SDK1: variants seen among roughly 807,000 people sequenced by gnomAD.
SDK1 encodes the protein protein sidekick-1.
Under a neutral mutation model 245.5 loss-of-function variants are expected in SDK1, and 157 were observed. That is an observed-to-expected ratio of 0.64 (90% CI 0.56 to 0.73). SDK1 has a LOEUF of 0.73. SDK1 is among the 30% of genes least tolerant of loss of function. SDK1 has a pLI of 0.00. For synonymous variants in SDK1, 1,647 were observed against 1,278.5 expected (o/e 1.29, Z -6.15); for missense variants, 3,583 against 3,002.3 (o/e 1.19, Z -4.52).
chr7:4,178,694 C>G (rs950368889), intron 35 of SDK1, 108 bp downstream of exon 35: 1 of 757,276 alleles, frequency 1.3e-6, no homozygotes, highest in Non-Finnish European at 2.3e-6. Context: ...GTTCTTTCTC[C>G]TTGAACACAT....
At chr7:4,262,414 C>T (rs1174893717) in intron 44 of SDK1, among the ~76,000 whole-genome samples, 8 of 151,498 alleles carry the variant, frequency 5.3e-5, no homozygotes, top group African/African-American at 1.9e-4. Context: ...ACCTAGAAAA[C>T]ATGCAGGGTC....
intron 4 of SDK1, among the ~76,000 whole-genome samples, chr7:3,761,260 C>CTTTTT (rs71029692): frequency 5.2e-4 from 49 of 93,720 alleles, no homozygotes; most frequent in Non-Finnish European, 6.5e-4. Flanking sequence ...GCCCCCCCTC[C>CTTTTT]TTTTTTTTTT....
chr7:3,808,548 C>T (rs1779306985), intron 4 of SDK1, among the ~76,000 whole-genome samples: 1 of 152,182 alleles, frequency 6.6e-6, no homozygotes, highest in African/African-American at 2.4e-5. Context: ...CACCGTGAGG[C>T]AGAAGAGACA....
chr7:4,000,317 C>T (rs1040318304), intron 14 of SDK1, among the ~76,000 whole-genome samples: 1 of 152,174 alleles, frequency 6.6e-6, no homozygotes, highest in Admixed American at 6.5e-5. Context: ...CGTTCTGGTG[C>T]CCCCAGCGGC....
intron 20 of SDK1, among the ~76,000 whole-genome samples, chr7:4,072,739 C>A (rs1780334994): frequency 6.6e-6 from 1 of 152,190 alleles, no homozygotes; most frequent in Non-Finnish European, 1.5e-5. Flanking sequence ...TGCAGGAGCC[C>A]AGGATGACTG....
chr7:4,022,718 G>A (rs989833572), intron 17 of SDK1, among the ~76,000 whole-genome samples: 10 of 151,832 alleles, frequency 6.6e-5, no homozygotes, highest in Non-Finnish European at 1.2e-4. Flanking sequence ...AGCACAGTGC[G>A]ATGTTGACCC....
At chr7:4,171,972 G>A (rs1484614852) in intron 32 of SDK1, among the ~76,000 whole-genome samples, 1 of 152,222 alleles carries the variant, frequency 6.6e-6, no homozygotes, top group East Asian at 1.9e-4. Context: ...CAGCCCCTGG[G>A]TTTGCTCACT....
chr7:4,150,673 C>T lies in SDK1; in HGVS notation c.4625+1210C>T, dbSNP rs1031843682. On this transcript the variant is annotated intron_variant, in intron 30 of 44. Coordinates refer to ENST00000404826, the MANE Select transcript of SDK1 (RefSeq NM_152744.4). ...AGGGAGGCAGGTCCCAGGTGAAGCC[C>T]CTGGCAGCTCCTCAGAACACCACCC... 2.6e-5 allele frequency among the ~76,000 whole-genome samples: 4 copies of T among 152,246 alleles called. No homozygotes were observed. The South Asian group carries it at 8.3e-4, about 31-fold the overall frequency.
chr7:3,843,466 TG>T (rs777504615), intron 5 of SDK1, among the ~76,000 whole-genome samples: 10 of 152,252 alleles, frequency 6.6e-5, no homozygotes, highest in Non-Finnish European at 1.5e-4. Context: ...AAATAGGACT[TG>T]ACTCTTTCTT....
At chr7:3,817,679 A>G (rs1214059958) in intron 4 of SDK1, among the ~76,000 whole-genome samples, 1 of 152,136 alleles carries the variant, frequency 6.6e-6, no homozygotes. Context: ...ATGCCTAGCA[A>G]GGTGGCCCTC....
intron 5 of SDK1, among the ~76,000 whole-genome samples, chr7:3,861,718 G>A (rs993832602): frequency 1.3e-5 from 2 of 152,114 alleles, no homozygotes; most frequent in Non-Finnish European, 2.9e-5. Flanking sequence ...AAAACATTCT[G>A]AATCAATTAA....
At chr7:3,620,312 TTTA>T (rs1781896738) in intron 2 of SDK1, among the ~76,000 whole-genome samples, 2 of 152,068 alleles carry the variant, frequency 1.3e-5, no homozygotes, top group South Asian at 4.2e-4. Flanking sequence ...TTTTTTTTTT[TTTA>T]ATTTGAGACG....
chr7:3,546,811 C>T (rs1477516333), intron 1 of SDK1, among the ~76,000 whole-genome samples: 2 of 152,140 alleles, frequency 1.3e-5, no homozygotes, highest in African/African-American at 4.8e-5. Context: ...TTTTCTTGGA[C>T]TCAATCTCAG....
At chr7:3,780,366 G>A (rs941326817) in intron 4 of SDK1, among the ~76,000 whole-genome samples, 4 of 152,322 alleles carry the variant, frequency 2.6e-5, no homozygotes, top group Admixed American at 1.3e-4. Flanking sequence ...AAACAGCATG[G>A]CCACAGTGCC....
chr7:4,117,059 G>A (rs1783761388), intron 25 of SDK1, among the ~76,000 whole-genome samples: 1 of 152,238 alleles, frequency 6.6e-6, no homozygotes, highest in Non-Finnish European at 1.5e-5. Context: ...AACTTGAGAA[G>A]TTCAGAGGGA....
At chr7:3,901,176 GTCTTTTTTTTTCTTTTT>G (rs1054952988) in intron 5 of SDK1, among the ~76,000 whole-genome samples, 9 of 151,924 alleles carry the variant, frequency 5.9e-5, no homozygotes, top group African/African-American at 1.7e-4. Context: ...CAAGTTAACT[GTCTTTTTTTTTCTTTTT>G]TCTTTTTTTT....
At chr7:3,392,191 GAAGTA>G (rs760233246) in intron 1 of SDK1, among the ~76,000 whole-genome samples, 15 of 152,044 alleles carry the variant, frequency 9.9e-5, no homozygotes, top group African/African-American at 2.7e-4. Flanking sequence ...AAACTTTACA[GAAGTA>G]AAGAGAAAAG....
chr7:4,051,601 G>A (rs754658517), intron 18 of SDK1, 37 bp from the exon 19 acceptor site: 6 of 1,578,314 alleles, frequency 3.8e-6, no homozygotes, highest in Non-Finnish European at 5.2e-6. Flanking sequence ...AAATGCCATT[G>A]AAAACAGGCT....
chr7:4,249,352 C>T (rs1020429171), intron 44 of SDK1, among the ~76,000 whole-genome samples: 3 of 152,190 alleles, frequency 2.0e-5, no homozygotes, highest in East Asian at 1.9e-4. Context: ...TCTCAGGCAG[C>T]GTGGCTGAGG....
Sources: gnomAD v4.1 joint callset for allele counts (sites outside exome capture counted in the v4.1 genomes callset) on GRCh38, gnomAD v4.1.1 for gene constraint, MANE v1.5 for transcripts, NCBI Gene and HGNC (gene_info 2026-07-23, HGNC 2026-07-21) for gene names.